The following SLX4IP variants were observed in gnomAD, a reference collection of about 807,000 sequenced individuals.
SLX4IP encodes protein SLX4IP.
Under a neutral mutation model 32.9 loss-of-function variants are expected in SLX4IP, and 34 were observed. The ratio of observed to expected loss-of-function variants is 1.03; its 90% CI spans 0.79 to 1.38. The LOEUF is 1.38. Among genes scored for constraint, SLX4IP ranks in the 40% most tolerant of loss-of-function variants. The pLI is 0.00. For synonymous variants in SLX4IP, 172 were observed against 171.7 expected (o/e 1.00, Z -0.01); for missense variants, 444 against 479.0 (o/e 0.93, Z 0.68).
At chr20:10,531,366 C>G (rs2065988073) in intron 2 of SLX4IP, among the ~76,000 whole-genome samples, 1 of 152,204 alleles carries the variant, frequency 6.6e-6, no homozygotes, top group Non-Finnish European at 1.5e-5. Context: ...CCAACATTAT[C>G]TATTATATGT....
intron 4 of SLX4IP, among the ~76,000 whole-genome samples, chr20:10,566,732 G>GTT (rs1396259227): frequency 3.9e-5 from 6 of 152,138 alleles, no homozygotes; most frequent in Admixed American, 2.0e-4. Flanking sequence ...GTGCTTGATT[G>GTT]TTTGTAAGAC....
At chr20:10,540,124 CTTCCTTCCTTCCTTCCTTCT>C (rs1304933123) in intron 2 of SLX4IP, among the ~76,000 whole-genome samples, 2 of 146,232 alleles carry the variant, frequency 1.4e-5, no homozygotes, top group African/African-American at 2.5e-5. Context: ...TCCTTCCTTC[CTTCCTTCCTTCCTTCCTTCT>C]TTCCTTCCTT....
At position 10,614,320 on chromosome 20, in the gene SLX4IP, G is replaced by A. The variant is rs542337953; in HGVS notation, c.406-6994G>A. On this transcript the variant is annotated intron_variant, in intron 6 of 7. Coordinates refer to ENST00000334534, the MANE Select transcript of SLX4IP (RefSeq NM_001009608.3). Reference sequence around the variant, plus strand: ...CCTTGAGAACAATTTTAAAGACATTGAATAGCTTTTTTTCATCCCTTTATT... The same window carrying A: ...CCTTGAGAACAATTTTAAAGACATTAAATAGCTTTTTTTCATCCCTTTATT... 6 of 580,394 alleles carry A rather than the reference G, an allele frequency of 1.0e-5. No individual in the cohort carries two copies. The South Asian group carries it at 1.3e-4, about 13-fold the overall frequency. 36.0% of individuals were successfully genotyped at this position (580,394 alleles called of 1,614,324 possible). A position where few individuals can be genotyped will look rare whatever the true frequency, so the allele number is the denominator to read the frequency against.
chr20:10,445,629 T>C (rs1289921989), intron 1 of SLX4IP, among the ~76,000 whole-genome samples: 2 of 109,328 alleles, frequency 1.8e-5, no homozygotes, highest in Non-Finnish European at 3.8e-5. Flanking sequence ...AGATTGCCCT[T>C]TTTTTTTTTT....
chr20:10,448,492 T>C (rs1266863127), intron 1 of SLX4IP, among the ~76,000 whole-genome samples: 1 of 152,194 alleles, frequency 6.6e-6, no homozygotes, highest in East Asian at 1.9e-4. Context: ...TAATAGTCAT[T>C]TTATTATGTA....
At position 10,591,498 on chromosome 20, in the gene SLX4IP, T is replaced by A. The variant is rs568340705; in HGVS notation, c.239-7177T>A. ...TATGCACAGGAAATTTGAAATCCATTGCAGAGGGGCCTGCTTGAACAGCTA... is the reference window on the plus strand; with the variant it reads ...TATGCACAGGAAATTTGAAATCCATAGCAGAGGGGCCTGCTTGAACAGCTA... On this transcript the variant is annotated intron_variant, in intron 4 of 7. Coordinates refer to ENST00000334534, the MANE Select transcript of SLX4IP (RefSeq NM_001009608.3). 9.9e-5 allele frequency among the ~76,000 whole-genome samples: 15 copies of A among 152,284 alleles called. No individual in the cohort carries two copies. In the East Asian group the frequency reaches 2.9e-3, roughly 29 times the overall value.
At chr20:10,608,108 G>A (rs567116924) in intron 6 of SLX4IP, among the ~76,000 whole-genome samples, 8 of 152,290 alleles carry the variant, frequency 5.3e-5, no homozygotes, top group Non-Finnish European at 1.0e-4. Context: ...GCAGAGGCCC[G>A]TGATCTCCAT....
intron 2 of SLX4IP, among the ~76,000 whole-genome samples, chr20:10,499,233 G>C (rs2065695877): frequency 6.6e-6 from 1 of 152,042 alleles, no homozygotes; most frequent in African/African-American, 2.4e-5. Flanking sequence ...ACAGACACTT[G>C]TCTATCTTTG....
intron 3 of SLX4IP, among the ~76,000 whole-genome samples, chr20:10,559,022 T>C (rs1393686740): frequency 6.6e-6 from 1 of 152,254 alleles, no homozygotes; most frequent in Non-Finnish European, 1.5e-5. Flanking sequence ...AGGGCATTTA[T>C]AGCCAAATTT....
intron 2 of SLX4IP, among the ~76,000 whole-genome samples, chr20:10,465,399 GT>G: frequency 6.6e-6 from 1 of 152,182 alleles, no homozygotes. Flanking sequence ...GAAGTGGAGG[GT>G]TGAGTAGTTG....
chr20:10,510,947 C>T lies in SLX4IP; in HGVS notation c.28-45284C>T, dbSNP rs146699686. 2.7e-4 allele frequency among the ~76,000 whole-genome samples: 41 copies of T among 152,300 alleles called. No individual in the cohort carries two copies. In the East Asian group the frequency reaches 7.9e-3, roughly 30 times the overall value. The stretch of plus-strand genomic sequence containing the variant: ...ATGGGCCCAGGGTGAATGGACGCAG[C>T]ATGAATTGGGCACACTGTACCTTTG... On this transcript the variant is annotated intron_variant, in intron 2 of 7. Coordinates refer to ENST00000334534, the MANE Select transcript of SLX4IP (RefSeq NM_001009608.3).
intron 2 of SLX4IP, among the ~76,000 whole-genome samples, chr20:10,543,990 C>G (rs1006437721): frequency 6.6e-6 from 1 of 152,146 alleles, no homozygotes; most frequent in Non-Finnish European, 1.5e-5. Flanking sequence ...TAAAATCCAT[C>G]TTTCTCTCCT....
chr20:10,587,593 C>T (rs1161560201), intron 4 of SLX4IP, among the ~76,000 whole-genome samples: 1 of 151,988 alleles, frequency 6.6e-6, no homozygotes, highest in African/African-American at 2.4e-5. Flanking sequence ...ATACAAATTA[C>T]TCAAATTAAA....
chr20:10,455,579 TTTTATTTATTTATTTATTTATTTA>T (rs142542742), intron 1 of SLX4IP, among the ~76,000 whole-genome samples: 5 of 144,932 alleles, frequency 3.4e-5, no homozygotes, highest in Non-Finnish European at 3.0e-5. Flanking sequence ...CCTGTATGTC[TTTTATTTATTTATTTATTTATTTA>T]TTTATTTATT....
intron 2 of SLX4IP, among the ~76,000 whole-genome samples, chr20:10,500,035 G>A (rs1218278416): frequency 6.6e-6 from 1 of 151,310 alleles, no homozygotes; most frequent in Non-Finnish European, 1.5e-5. Flanking sequence ...AGAAGATTAT[G>A]TAGAACCCTG....
chr20:10,464,353 T>C (rs2065363134), intron 2 of SLX4IP, among the ~76,000 whole-genome samples: 1 of 152,026 alleles, frequency 6.6e-6, no homozygotes. Flanking sequence ...CGTTTTAATA[T>C]GTGTCTATGC....
At chr20:10,540,470 G>A (rs1345121241) in intron 2 of SLX4IP, among the ~76,000 whole-genome samples, 1 of 152,106 alleles carries the variant, frequency 6.6e-6, no homozygotes, top group Non-Finnish European at 1.5e-5. Flanking sequence ...TATCCGAGGA[G>A]GATACCTGGG....
chr20:10,587,831 C>G (rs2066662891), intron 4 of SLX4IP, among the ~76,000 whole-genome samples: 1 of 152,014 alleles, frequency 6.6e-6, no homozygotes, highest in African/African-American at 2.4e-5. Context: ...TATCTTATAC[C>G]ATACACAAAA....
chr20:10,482,355 T>G (rs1408681651), intron 2 of SLX4IP, among the ~76,000 whole-genome samples: 2 of 152,224 alleles, frequency 1.3e-5, no homozygotes, highest in Admixed American at 6.5e-5. Flanking sequence ...CGTGGTCTTA[T>G]GCGGCTCTTT....
Sources: allele counts gnomAD v4.1 joint callset (sites outside exome capture counted in the v4.1 genomes callset), GRCh38; gene constraint gnomAD v4.1.1; transcripts MANE v1.5; gene names NCBI Gene and HGNC (gene_info 2026-07-23, HGNC 2026-07-21).